COBLL1: variants seen among roughly 807,000 people sequenced by gnomAD.
COBLL1 encodes cordon-bleu WH2 repeat protein like 1, also known as cordon-bleu protein-like 1.
A neutral mutation model predicts 94.8 loss-of-function variants in COBLL1; 50 were observed. The observed-to-expected ratio is 0.53, with a 90% confidence interval of 0.42 to 0.67. The LOEUF (loss-of-function observed/expected upper bound fraction) is 0.67. Among genes scored for constraint, COBLL1 ranks in the 30% least tolerant of loss-of-function variants. The pLI is 0.00. For missense variants in COBLL1, 1,362 were observed against 1,348.7 expected (o/e 1.01, Z -0.15); for synonymous variants, 448 against 473.8 (o/e 0.95, Z 0.71).
At chr2:164,812,031 T>G (rs968297638) in intron 2 of COBLL1, among the ~76,000 whole-genome samples, 17 of 151,784 alleles carry the variant, frequency 1.1e-4, no homozygotes, top group Admixed American at 1.1e-3. Flanking sequence ...CAATTTGTAG[T>G]AACCATGACA....
chr2:164,782,182 G>A (rs1688749397), intron 2 of COBLL1, among the ~76,000 whole-genome samples: 1 of 152,070 alleles, frequency 6.6e-6, no homozygotes, highest in African/African-American at 2.4e-5. Flanking sequence ...CTTCATTCTT[G>A]CAGTTAATTC....
intron 2 of COBLL1, chr2:164,761,560 G>A (rs1177991924): frequency 6.6e-6 from 1 of 152,066 alleles, no homozygotes; most frequent in Non-Finnish European, 1.5e-5. Flanking sequence ...AAACAAAGGT[G>A]TGTAGAGAAA....
chr2:164,689,894 G>C (rs1683502691), intron 13 of COBLL1, among the ~76,000 whole-genome samples: 1 of 151,872 alleles, frequency 6.6e-6, no homozygotes, highest in African/African-American at 2.4e-5. Context: ...TTACTTCCTT[G>C]CTTTTAAAAA....
Position 164,694,797 on chromosome 2 carries a change from G to C in COBLL1, c.2595C>G (p.Ser865Arg). Residue 865 changes from serine (S) to arginine (R), a missense_variant, in exon 12 of 14, where the codon AGC becomes AGG. Physicochemically the swap from Ser to Arg is moderately radical, Grantham distance 110 (BLOSUM62 -1). Coordinates refer to ENST00000652658, the MANE Select transcript of COBLL1 (RefSeq NM_001365672.2). ...SRASNAQAKP[S>R]SFFLQMQKRV... ...TCTTCTGCATCTGCAAAAAAAAAGA[G>C]CTGGGTTTGGCCTGGGCATTTGAAG... 4.3e-6 allele frequency: 7 copies of C among 1,613,630 alleles called. No homozygotes were observed. Among genetic ancestry groups the C allele is most frequent in the Non-Finnish European group, 5.9e-6 (7 of 1,179,890 alleles).
rs1400829246 is a variant in COBLL1 at position 164,695,006 on chromosome 2, G to A, written c.2386C>T (p.Leu796Phe). The change falls in exon 12 of 14, where the codon CTT becomes TTT. Residue 796 changes from leucine to phenylalanine, a missense_variant. Transcript: ENST00000652658. ...SESPEEPLPN[L>F]KPKPNLRTEH... ...GTTCTCAGGTTAGGCTTCGGTTTAAGGTTTGGCAGTGGCTCTTCTGGGCTT... is the reference window on the plus strand; with the variant it reads ...GTTCTCAGGTTAGGCTTCGGTTTAAAGTTTGGCAGTGGCTCTTCTGGGCTT... 2.5e-6 allele frequency: 4 copies of A among 1,613,902 alleles called. No homozygotes were observed. The highest frequency in any genetic ancestry group is 3.4e-6 in the Non-Finnish European group (4 of 1,179,930).
At position 164,700,723 on chromosome 2, in the gene COBLL1, A is replaced by G. The variant is rs759986879; in HGVS notation, c.1259T>C (p.Ile420Thr). Residue 420 changes from isoleucine (I) to threonine (T), a missense_variant, in exon 10 of 14, where the codon ATA becomes ACA. Transcript: ENST00000652658. ...GISSDYSLEEIDEKEELSEVP... is the reference protein window; with the variant it reads ...GISSDYSLEETDEKEELSEVP... ...TTCACTCAGTTCTTCCTTTTCATCT[A>G]TCTCTTCAAGGCTATAATCAGAGCT... The G allele has an allele frequency of 6.3e-5, 102 of 1,611,684 alleles. No individual in the cohort carries two copies. The East Asian group carries it at 2.2e-3, about 34-fold the overall frequency.
At chr2:164,805,188 G>C (rs552410681) in intron 2 of COBLL1, among the ~76,000 whole-genome samples, 1 of 148,658 alleles carries the variant, frequency 6.7e-6, no homozygotes, top group Admixed American at 6.8e-5. Context: ...CTCCTCCCTA[G>C]CACACACATA....
chr2:164,699,022 G>A (rs1472578128), intron 11 of COBLL1, among the ~76,000 whole-genome samples: 3 of 151,932 alleles, frequency 2.0e-5, no homozygotes, highest in Non-Finnish European at 4.4e-5. Flanking sequence ...TGGAAAAAAA[G>A]AGAAACAGAT....
chr2:164,765,241 T>C (rs1687873482), intron 2 of COBLL1, among the ~76,000 whole-genome samples: 1 of 152,188 alleles, frequency 6.6e-6, no homozygotes, highest in African/African-American at 2.4e-5. Flanking sequence ...TGAAGTACTC[T>C]TATCTAATAC....
chr2:164,824,399 A>T (rs1685332547), intron 2 of COBLL1, among the ~76,000 whole-genome samples: 2 of 152,054 alleles, frequency 1.3e-5, no homozygotes, highest in Non-Finnish European at 2.9e-5. Context: ...AAAAAAAAAA[A>T]AAGTCTAGAA....
intron 5 of COBLL1, 53 bp downstream of exon 5, chr2:164,727,916 C>T (rs1301215680): frequency 3.2e-6 from 4 of 1,245,502 alleles, no homozygotes; most frequent in Admixed American, 3.6e-5. Flanking sequence ...AATGCACAAA[C>T]ATATACAAAT....
chr2:164,835,338 A>G (rs1683269920), intron 2 of COBLL1, among the ~76,000 whole-genome samples: 2 of 152,192 alleles, frequency 1.3e-5, no homozygotes, highest in Non-Finnish European at 2.9e-5. Context: ...TCAGCTATAA[A>G]AAGCAATAAA....
intron 3 of COBLL1, among the ~76,000 whole-genome samples, chr2:164,730,447 G>A (rs1364491260): frequency 6.6e-6 from 1 of 151,658 alleles, no homozygotes; most frequent in Non-Finnish European, 1.5e-5. Flanking sequence ...GCAATGAGCC[G>A]AGATCGCGCC....
chr2:164,687,731 C>T, intron 13 of COBLL1: 1 of 647,268 alleles, frequency 1.5e-6, no homozygotes, highest in Non-Finnish European at 2.8e-6. Context: ...CCATTGCACA[C>T]TGGGCCCCCA....
rs990501699 is a variant in COBLL1 at position 164,688,689 on chromosome 2, TTTGG to T, written c.3301-2661_3301-2658del. 4.6e-5 allele frequency among the ~76,000 whole-genome samples: 7 copies of T among 152,236 alleles called. No homozygotes were observed. In the East Asian group the frequency reaches 1.3e-3, roughly 29 times the overall value. Reference sequence around the variant, plus strand: ...AGAAATCGCTGCCAACCTGAAACTCTTTGGTTGTTCAAATTTAAACTAAGGAAAT... The same window carrying T: ...AGAAATCGCTGCCAACCTGAAACTCTTTGTTCAAATTTAAACTAAGGAAAT... On this transcript the variant is annotated intron_variant, in intron 13 of 13. Transcript: ENST00000652658.
chr2:164,677,288 G>A (rs978892061), downstream of COBLL1, among the ~76,000 whole-genome samples: 9 of 151,760 alleles, frequency 5.9e-5, no homozygotes, highest in South Asian at 2.1e-4. Flanking sequence ...CATCCAAAGC[G>A]TACTGCAAAC....
chr2:164,834,711 G>A (rs1320496223), intron 2 of COBLL1, among the ~76,000 whole-genome samples: 1 of 152,184 alleles, frequency 6.6e-6, no homozygotes, highest in Non-Finnish European at 1.5e-5. Context: ...ATGTGAAAGC[G>A]GTTGGAGGAT....
chr2:164,833,174 C>T (rs168545), intron 2 of COBLL1, among the ~76,000 whole-genome samples: 25,483 of 151,738 alleles, frequency 0.17, 3,171 homozygotes, highest in African/African-American at 0.36. Flanking sequence ...TTGAGACCAG[C>T]TGGACAACAT....
At chr2:164,773,586 T>G (rs1448141451) in intron 2 of COBLL1, 1 of 312,516 alleles carries the variant, frequency 3.2e-6, no homozygotes, top group Non-Finnish European at 6.0e-6. Context: ...AAAAGAGTCC[T>G]CAGACATATT....
Sources: allele counts gnomAD v4.1 joint callset (sites outside exome capture counted in the v4.1 genomes callset), GRCh38; gene constraint gnomAD v4.1.1; transcripts MANE v1.5; gene names NCBI Gene and HGNC (gene_info 2026-07-23, HGNC 2026-07-21).